SLC38A10: variants seen among roughly 807,000 people sequenced by gnomAD.
SLC38A10 encodes Sodium-coupled neutral amino acid transporter 10.
Under a neutral mutation model 81.0 loss-of-function variants are expected in SLC38A10, and 53 were observed. The observed-to-expected ratio is 0.65, with a 90% confidence interval of 0.53 to 0.82. The LOEUF (loss-of-function observed/expected upper bound fraction) is 0.82, where lower values mean the gene tolerates loss of function less well. Ranked by LOEUF, SLC38A10 falls within the 40% of genes least tolerant of loss-of-function variation. The probability of loss-of-function intolerance (pLI) is 0.00; values close to 1 mark genes in which losing one functional copy is unlikely to be tolerated. For missense variants in SLC38A10, 1,471 were observed against 1,545.0 expected (o/e 0.95, Z 0.80); for synonymous variants, 665 against 655.3 (o/e 1.01, Z -0.23).
intron 6 of SLC38A10, among the ~76,000 whole-genome samples, chr17:81,279,364 C>T (rs970894351): frequency 3.3e-5 from 5 of 152,230 alleles, no homozygotes; most frequent in Admixed American, 6.5e-5. Flanking sequence ...GGGCGCGGCC[C>T]GCCACCCAAC....
rs2062942506 is a variant in SLC38A10 at position 81,253,694 on chromosome 17, C to T, written c.1289-454G>A. On this transcript the variant is annotated intron_variant, in intron 11 of 15. Transcript: ENST00000374759. This position sits in a 1 kb window ranked among gnomAD's most constrained non-coding sequence, Gnocchi z 4.1. ...ATCTCCATCCCTACCACCAACATCA[C>T]CATCATCACCATCACCATCACCATC... 6.6e-6 allele frequency among the ~76,000 whole-genome samples: 1 copy of T among 150,740 alleles called. No homozygotes were observed. Among genetic ancestry groups the T allele is most frequent in the Admixed American group, 6.6e-5 (1 of 15,166 alleles).
rs547494907 is a variant in SLC38A10, at chr17:81,294,976, C to T, written c.-55G>A. On this transcript the variant is annotated 5_prime_UTR_variant, in exon 1 of 16. Coordinates refer to ENST00000374759, the MANE Select transcript of SLC38A10 (RefSeq NM_001037984.3). ...GGCCTCGGGGGTCGCCGGGCTGCGGCCGGCTTTGGAAGCCCAGCCCGAGGC... is the reference window on the plus strand; with the variant it reads ...GGCCTCGGGGGTCGCCGGGCTGCGGTCGGCTTTGGAAGCCCAGCCCGAGGC... The T allele has an allele frequency of 6.6e-7, 1 of 1,522,850 alleles. No individual in the cohort carries two copies. Among genetic ancestry groups the T allele is most frequent in the Non-Finnish European group, 8.8e-7 (1 of 1,136,536 alleles). 94.3% of individuals were successfully genotyped at this position (1,522,850 alleles called of 1,614,324 possible).
chr17:81,276,999 CA>C lies in SLC38A10; in HGVS notation c.729+31del, dbSNP rs764282941. The C allele has an allele frequency of 3.1e-6, 5 of 1,601,510 alleles. No individual in the cohort carries two copies. The African/African-American group carries it at 4.0e-5, about 13-fold the overall frequency. Reference sequence around the variant, plus strand: ...CACGGCACATCATGCTGGCATGACACAGGGGCGGAGAGGGCGTGGCAAGGCT... The same window carrying C: ...CACGGCACATCATGCTGGCATGACACGGGGCGGAGAGGGCGTGGCAAGGCT... On this transcript the variant is annotated intron_variant, in intron 7 of 15. Coordinates refer to ENST00000374759, the MANE Select transcript of SLC38A10 (RefSeq NM_001037984.3). This position sits in a 1 kb window ranked among gnomAD's most constrained non-coding sequence, Gnocchi z 4.7.
At chr17:81,258,889 TC>T (rs918014631) in intron 11 of SLC38A10, among the ~76,000 whole-genome samples, 1 of 152,126 alleles carries the variant, frequency 6.6e-6, no homozygotes, top group African/African-American at 2.4e-5. Flanking sequence ...ACCCCTACTG[TC>T]CCCAAGCACA....
chr17:81,284,257 C>T (rs939052484), intron 3 of SLC38A10, among the ~76,000 whole-genome samples: 1 of 152,106 alleles, frequency 6.6e-6, no homozygotes, highest in Non-Finnish European at 1.5e-5. Flanking sequence ...ACTTCGGAGG[C>T]TGAGGCAGGA....
rs1430231379 is a variant in SLC38A10 at position 81,245,964 on chromosome 17, C to G, written c.2952G>C (p.Glu984Asp). 3 of 1,604,440 alleles carry G rather than the reference C, an allele frequency of 1.9e-6. No individual in the cohort carries two copies. Among genetic ancestry groups the G allele is most frequent in the South Asian group, 2.2e-5 (2 of 90,372 alleles). Residue 984 changes from glutamate to aspartate, a missense_variant, in exon 16 of 16, where the codon GAG (glutamate) becomes GAC (aspartate). Around this residue, in one of 2 missense-constraint regions of SLC38A10, gnomAD observed 751 missense variants for 717.4 expected, o/e 1.05. Coordinates refer to ENST00000374759, the MANE Select transcript of SLC38A10 (RefSeq NM_001037984.3). ...GHRLDHGGHLEMRKARGGDHV... is the reference protein window; with the variant it reads ...GHRLDHGGHLDMRKARGGDHV... Reference sequence around the variant, plus strand: ...GGTCCCCCCCGCGGGCCTTTCTCATCTCCAGGTGACCGCCATGGTCCAGCC... The same window carrying G: ...GGTCCCCCCCGCGGGCCTTTCTCATGTCCAGGTGACCGCCATGGTCCAGCC...
At position 81,286,774 on chromosome 17, in the gene SLC38A10, A is replaced by G. The variant is rs923225456; in HGVS notation, c.218-1879T>C. 2.6e-5 allele frequency among the ~76,000 whole-genome samples: 4 copies of G among 152,098 alleles called. No homozygotes were observed. Among genetic ancestry groups the G allele is most frequent in the Non-Finnish European group, 5.9e-5 (4 of 68,006 alleles). The stretch of plus-strand genomic sequence containing the variant: ...GGAGCCACAGAAGCCTGGACCACCC[A>G]ACGAAAGGACGCGGGCAGCACTCCT... On this transcript the variant is annotated intron_variant, in intron 2 of 15. Coordinates refer to ENST00000374759, the MANE Select transcript of SLC38A10 (RefSeq NM_001037984.3). The surrounding 1 kb of genome is among the most constrained non-coding windows in gnomAD (Gnocchi z 6.0).
At chr17:81,248,911 A>G (rs2062878041) in intron 14 of SLC38A10, among the ~76,000 whole-genome samples, 1 of 152,240 alleles carries the variant, frequency 6.6e-6, no homozygotes, top group South Asian at 2.1e-4. Flanking sequence ...CCTGCAGGGA[A>G]AGGCCATGAC....
rs1305270273 is a variant in SLC38A10, at chr17:81,281,155, G to T, written c.502-422C>A. On this transcript the variant is annotated intron_variant, in intron 5 of 15. Transcript: ENST00000374759. This position sits in a 1 kb window ranked among gnomAD's most constrained non-coding sequence, Gnocchi z 5.3. Reference sequence around the variant, plus strand: ...CAAAAGACTGGCCCACCAGGACGCGGCTGTCTCAAGAGTAAAGAGGTAGCT... The same window carrying T: ...CAAAAGACTGGCCCACCAGGACGCGTCTGTCTCAAGAGTAAAGAGGTAGCT... Among the ~76,000 whole-genome samples the T allele has an allele frequency of 3.3e-5, 5 of 152,228 alleles. No individual in the cohort carries two copies. Among genetic ancestry groups the T allele is most frequent in the Admixed American group, 1.3e-4 (2 of 15,282 alleles).
intron 6 of SLC38A10, among the ~76,000 whole-genome samples, chr17:81,279,485 G>A (rs2146940796): frequency 6.6e-6 from 1 of 152,234 alleles, no homozygotes; most frequent in African/African-American, 2.4e-5. Context: ...GCCGGCACAG[G>A]GGTGGGGAGG....
At position 81,272,597 on chromosome 17, in the gene SLC38A10, A is replaced by G; in HGVS notation, c.943T>C (p.Tyr315His). 1.3e-6 allele frequency: 2 copies of G among 1,566,730 alleles called. No individual in the cohort carries two copies. The highest frequency in any genetic ancestry group is 1.7e-6 in the Non-Finnish European group (2 of 1,160,800). The change falls in exon 9 of 16, where the codon TAC (tyrosine) becomes CAC (histidine). Residue 315 changes from tyrosine to histidine, a missense_variant. Tyr to His is a moderately conservative substitution (Grantham distance 83). Around this residue, in one of 2 missense-constraint regions of SLC38A10, gnomAD observed 720 missense variants for 827.7 expected, o/e 0.87. Coordinates refer to ENST00000374759, the MANE Select transcript of SLC38A10 (RefSeq NM_001037984.3). ...GCTTTAAACCGGAGAGGGGGCATGT[A>G]GCCCCCTGCTGCAAAGGTGCCATCT... ...QKDGTFAAGG[Y>H]MPPLRFKALT...
chr17:81,273,963 G>C (rs1451540262), intron 8 of SLC38A10, among the ~76,000 whole-genome samples: 1 of 152,242 alleles, frequency 6.6e-6, no homozygotes, highest in Non-Finnish European at 1.5e-5. Context: ...CACGGGCGCT[G>C]ACGGAGGAAA....
At position 81,251,582 on chromosome 17, in the gene SLC38A10, G is replaced by C. The variant is rs749589012; in HGVS notation, c.1976C>G (p.Pro659Arg). ...GGKPPLPAEK[P>R]APGPGLPPEP... is the part of the protein sequence containing the mutation. ...GGGCGGCAGCCCAGGCCCTGGAGCC[G>C]GCTTCTCCGCTGGGAGGGGAGGCTT... Residue 659 changes from proline (P) to arginine (R), a missense_variant, in exon 14 of 16, where the codon CCG becomes CGG. Coordinates refer to ENST00000374759, the MANE Select transcript of SLC38A10 (RefSeq NM_001037984.3). 7.6e-5 allele frequency: 114 copies of C among 1,494,348 alleles called. No homozygotes were observed. Among genetic ancestry groups the C allele is most frequent in the Non-Finnish European group, 9.9e-5 (112 of 1,128,748 alleles). 92.6% of individuals were successfully genotyped at this position (1,494,348 alleles called of 1,614,324 possible).
intron 1 of SLC38A10, among the ~76,000 whole-genome samples, chr17:81,294,031 T>A (rs112760446): frequency 1.3e-5 from 2 of 151,730 alleles, no homozygotes; most frequent in African/African-American, 4.8e-5. Context: ...TTTTTGTTTT[T>A]GAGACGGAGT....
intron 9 of SLC38A10, 117 bp from the exon 10 acceptor site, chr17:81,271,141 G>A: frequency 1.2e-6 from 1 of 825,332 alleles, no homozygotes. Context: ...ATGCCGTCTA[G>A]GCGTGAGCCG....
chr17:81,268,183 C>A (rs1176275139), intron 10 of SLC38A10, among the ~76,000 whole-genome samples: 1 of 151,888 alleles, frequency 6.6e-6, no homozygotes, highest in Non-Finnish European at 1.5e-5. Context: ...GGGCTGTACC[C>A]TAGGAACAAG....
intron 14 of SLC38A10, 90 bp downstream of exon 14, chr17:81,251,403 C>T (rs772555940): frequency 1.6e-5 from 26 of 1,611,320 alleles, no homozygotes; most frequent in Admixed American, 1.3e-4. Context: ...GCAGGGCTCC[C>T]GAGGATGACC....
Position 81,245,422 on chromosome 17 carries a change from G to T in SLC38A10, c.*134C>A. The T allele has an allele frequency of 9.2e-7, 1 of 1,082,906 alleles. No homozygotes were observed. Among genetic ancestry groups the T allele is most frequent in the Non-Finnish European group, 1.3e-6 (1 of 758,880 alleles). 67.1% of individuals were successfully genotyped at this position (1,082,906 alleles called of 1,614,324 possible). On this transcript the variant is annotated 3_prime_UTR_variant, in exon 16 of 16. Transcript: ENST00000374759. ...ATCTTTTATACTGTCACTCACACTT[G>T]GTGAGGGCCTCAGACATGAAACCCT...
In SLC38A10 at chr17:81,260,238, C is replaced by A; in HGVS notation, c.1288G>T (p.Ala430Ser). The change falls in exon 11 of 16, where the codon GCC becomes TCC. Residue 430 changes from alanine (A) to serine (S), a missense_variant and splice_region_variant. By Grantham distance (99) the Ala-to-Ser change is moderately conservative. Around this residue, in one of 2 missense-constraint regions of SLC38A10, gnomAD observed 720 missense variants for 827.7 expected, o/e 0.87. Coordinates refer to ENST00000374759, the MANE Select transcript of SLC38A10 (RefSeq NM_001037984.3). The part of the protein sequence containing the change: ...LMKVEAARLS[A>S]QDPVVAVAED... The stretch of plus-strand genomic sequence containing the variant: ...GCTCAGAGAGCCAGGGTGGGCATAC[C>A]TGAGAGCCGCGCTGCCTCCACCTTC... 1 of 1,599,554 alleles carries A rather than the reference C, an allele frequency of 6.3e-7. No homozygotes were observed. The highest frequency in any genetic ancestry group is 8.5e-7 in the Non-Finnish European group (1 of 1,174,142).
Sources: allele counts gnomAD v4.1 joint callset (sites outside exome capture counted in the v4.1 genomes callset), GRCh38; gene constraint gnomAD v4.1.1; regional missense constraint gnomAD v4.1.1; non-coding constraint Gnocchi (gnomAD v3.1); transcripts MANE v1.5; gene names NCBI Gene and HGNC (gene_info 2026-07-23, HGNC 2026-07-21).